Variants in SMYD3 observed in about 807,000 individuals in gnomAD.
SMYD3 encodes the protein histone-lysine N-methyltransferase SMYD3.
A neutral mutation model predicts 57.7 loss-of-function variants in SMYD3; 36 were observed. The ratio of observed to expected loss-of-function variants is 0.62; its 90% CI spans 0.48 to 0.82. SMYD3 has a LOEUF of 0.82. Among genes scored for constraint, SMYD3 ranks in the 40% least tolerant of loss-of-function variants. The probability of loss-of-function intolerance (pLI) is 0.00; values close to 1 mark genes in which losing one functional copy is unlikely to be tolerated. For synonymous variants in SMYD3, 211 were observed against 195.0 expected, an observed-to-expected ratio of 1.08 and a Z score of -0.68; for missense variants, 515 against 538.8, an observed-to-expected ratio of 0.96 and a Z score of 0.44.
At chr1:246,342,436 T>C (rs1327649740) in intron 2 of SMYD3, among the ~76,000 whole-genome samples, 1 of 152,172 alleles carries the variant, frequency 6.6e-6, no homozygotes, top group Non-Finnish European at 1.5e-5. Context: ...ATCCTTGAAA[T>C]GTAGTCCAAT....
rs185507458 is a variant in SMYD3, at chr1:246,364,946, G to C, written c.165-9852C>G. 9.3e-4 allele frequency among the ~76,000 whole-genome samples: 142 copies of C among 152,254 alleles called. 2 individuals carry two copies. The highest frequency in any genetic ancestry group is 3.2e-3 in the African/African-American group (133 of 41,554). ...ATGCAATGGTGGAATGAAAAGGATA[G>C]TTCAGACAAATATGAACTCAAAAAA... is the stretch of plus-strand genomic sequence containing the variant. On this transcript the variant is annotated intron_variant, in intron 1 of 11. Coordinates refer to ENST00000490107, the MANE Select transcript of SMYD3 (RefSeq NM_001167740.2).
intron 1 of SMYD3, among the ~76,000 whole-genome samples, chr1:246,372,776 A>G (rs1401899226): frequency 6.6e-6 from 1 of 152,188 alleles, no homozygotes; most frequent in African/African-American, 2.4e-5. Context: ...GGGTCACCTG[A>G]GGTCAGGAGA....
intron 1 of SMYD3, among the ~76,000 whole-genome samples, chr1:246,471,599 T>C (rs918158650): frequency 6.6e-6 from 1 of 152,206 alleles, no homozygotes; most frequent in South Asian, 2.1e-4. Flanking sequence ...TAAAAATTAA[T>C]GTGATATAAA....
chr1:245,911,136 T>C (rs568615402), intron 8 of SMYD3, among the ~76,000 whole-genome samples: 2 of 152,064 alleles, frequency 1.3e-5, no homozygotes, highest in African/African-American at 4.8e-5. Context: ...ACATTAATGG[T>C]CAGGGAAATG....
chr1:246,015,889 G>A (rs755603857), intron 5 of SMYD3, among the ~76,000 whole-genome samples: 6 of 142,430 alleles, frequency 4.2e-5, no homozygotes, highest in Admixed American at 6.7e-5. Flanking sequence ...AGTACCTGCT[G>A]GATTCCAATT....
chr1:246,425,238 C>T (rs2067201426), intron 1 of SMYD3, among the ~76,000 whole-genome samples: 1 of 152,094 alleles, frequency 6.6e-6, no homozygotes, highest in African/African-American at 2.4e-5. Context: ...TTTTTCAACA[C>T]ACACCAGAAA....
chr1:246,094,510 C>T (rs1268106577), intron 5 of SMYD3, among the ~76,000 whole-genome samples: 2 of 152,210 alleles, frequency 1.3e-5, no homozygotes, highest in African/African-American at 4.8e-5. Flanking sequence ...TATCTGGATA[C>T]TTGGGGCTCT....
At chr1:246,448,226 T>A (rs1033289980) in intron 1 of SMYD3, among the ~76,000 whole-genome samples, 64 of 152,056 alleles carry the variant, frequency 4.2e-4, no homozygotes, top group African/African-American at 1.3e-3. Flanking sequence ...CAAAAAAAAA[T>A]AATAACATAA....
At chr1:245,765,506 G>A (rs2046048506) in intron 10 of SMYD3, among the ~76,000 whole-genome samples, 1 of 152,152 alleles carries the variant, frequency 6.6e-6, no homozygotes, top group South Asian at 2.1e-4. Context: ...CCCAAATAAG[G>A]CATAACTTAG....
intron 1 of SMYD3, among the ~76,000 whole-genome samples, chr1:246,449,261 C>T (rs2067596947): frequency 6.6e-6 from 1 of 152,050 alleles, no homozygotes; most frequent in Non-Finnish European, 1.5e-5. Flanking sequence ...CAAAAGTTTT[C>T]CCATTCCTCT....
At chr1:246,267,180 G>C (rs574064197) in intron 5 of SMYD3, among the ~76,000 whole-genome samples, 1 of 152,224 alleles carries the variant, frequency 6.6e-6, no homozygotes, top group East Asian at 1.9e-4. Context: ...TGAATACAAA[G>C]GAGCTAAGAG....
intron 5 of SMYD3, among the ~76,000 whole-genome samples, chr1:246,260,723 G>A (rs182509277): frequency 2.0e-5 from 3 of 151,802 alleles, no homozygotes; most frequent in East Asian, 1.9e-4. Context: ...GAGCCACTGC[G>A]CCCAGCCCCA....
At chr1:246,388,121 AGT>A (rs2066516545) in intron 1 of SMYD3, among the ~76,000 whole-genome samples, 1 of 98,190 alleles carries the variant, frequency 1.0e-5, no homozygotes, top group Non-Finnish European at 2.1e-5. Flanking sequence ...TCGAGGTTGA[AGT>A]CAGTTTCTAG....
chr1:246,419,616 C>T (rs1572484228), intron 1 of SMYD3, among the ~76,000 whole-genome samples: 1 of 152,284 alleles, frequency 6.6e-6, no homozygotes, highest in Non-Finnish European at 1.5e-5. Context: ...TTCCCTTACC[C>T]CCTTCCTCAT....
intron 1 of SMYD3, among the ~76,000 whole-genome samples, chr1:246,495,333 A>T (rs1285433745): frequency 1.6e-5 from 2 of 128,472 alleles, no homozygotes; most frequent in Non-Finnish European, 3.1e-5. Context: ...TGGGTGACAG[A>T]GCAAGACTCC....
At chr1:245,941,878 A>G (rs957658409) in intron 5 of SMYD3, among the ~76,000 whole-genome samples, 3 of 152,194 alleles carry the variant, frequency 2.0e-5, no homozygotes, top group African/African-American at 7.2e-5. Flanking sequence ...TGGCCATACT[A>G]GGCTTTATAA....
intron 8 of SMYD3, among the ~76,000 whole-genome samples, chr1:245,899,709 G>A (rs992319352): frequency 6.6e-6 from 1 of 152,228 alleles, no homozygotes; most frequent in Non-Finnish European, 1.5e-5. Context: ...GTGTCTGTGA[G>A]AGTATTTCTT....
At chr1:246,346,051 A>G (rs1296524247) in intron 2 of SMYD3, among the ~76,000 whole-genome samples, 2 of 152,106 alleles carry the variant, frequency 1.3e-5, no homozygotes, top group Admixed American at 6.5e-5. Flanking sequence ...GTGGGAGGCC[A>G]AGGGGGGTGG....
At chr1:246,390,529 C>T (rs747812480) in intron 1 of SMYD3, among the ~76,000 whole-genome samples, 5 of 152,020 alleles carry the variant, frequency 3.3e-5, no homozygotes, top group Non-Finnish European at 7.4e-5. Context: ...ATCCTGTAAT[C>T]CTTAAAGCAA....
Sources: allele counts gnomAD v4.1 joint callset (sites outside exome capture counted in the v4.1 genomes callset), GRCh38; gene constraint gnomAD v4.1.1; transcripts MANE v1.5; gene names NCBI Gene and HGNC (gene_info 2026-07-23, HGNC 2026-07-21).